NF1: variants seen among roughly 807,000 people sequenced by gnomAD.
The protein encoded by NF1 is neurofibromin 1, also known as neurofibromin.
Under a neutral mutation model 325.7 loss-of-function variants are expected in NF1, and 122 were observed. The observed-to-expected ratio is 0.37, with a 90% CI of 0.32 to 0.44. The LOEUF is 0.44. Ranked by LOEUF, NF1 falls within the 20% of genes least tolerant of loss-of-function variation. The probability of loss-of-function intolerance (pLI) is 1.00; values close to 1 mark genes in which losing one functional copy is unlikely to be tolerated. For missense variants in NF1, 2,140 were observed against 3,415.4 expected (o/e 0.63, Z 9.31); for synonymous variants, 1,091 against 1,186.0 (o/e 0.92, Z 1.65).
intron 57 of NF1, chr17:31,362,248 T>A (rs893175444): frequency 1.7e-5 from 16 of 948,740 alleles, no homozygotes; most frequent in Non-Finnish European, 2.0e-5. Flanking sequence ...ATTTCAGCTG[T>A]GAAGGCCAGG....
chr17:31,280,472 G>A (rs1159301523), intron 36 of NF1, among the ~76,000 whole-genome samples: 2 of 145,606 alleles, frequency 1.4e-5, no homozygotes. Flanking sequence ...AACCGGGATC[G>A]CGCCACTGCA....
At chr17:31,283,140 G>A (rs935813080) in intron 36 of NF1, among the ~76,000 whole-genome samples, 5 of 152,228 alleles carry the variant, frequency 3.3e-5, no homozygotes, top group African/African-American at 7.2e-5. Flanking sequence ...AACTAAGTCC[G>A]GACGCAGTGG....
At chr17:31,276,252 A>T (rs2068008193) in intron 36 of NF1, among the ~76,000 whole-genome samples, 1 of 149,726 alleles carries the variant, frequency 6.7e-6, no homozygotes, top group African/African-American at 2.5e-5. Flanking sequence ...TAAGTATTGG[A>T]ATTCATTGAA....
chr17:31,152,762 C>T lies in NF1; in HGVS notation c.61-3221C>T, dbSNP rs148017013. Among the ~76,000 whole-genome samples, 1,424 of 151,694 alleles carry T rather than the reference C, an allele frequency of 9.4e-3. 21 individuals are homozygous for T. Among genetic ancestry groups the T allele is most frequent in the African/African-American group, 0.032 (1,342 of 41,380 alleles). On this transcript the variant is annotated intron_variant, in intron 1 of 57. Transcript: ENST00000358273. ...TGGCTCACTTTGAAATAATAATTTA[C>T]AGTTTTCATCTGTTGGTGGATATGT... is the stretch of plus-strand genomic sequence containing the variant.
intron 36 of NF1, among the ~76,000 whole-genome samples, chr17:31,267,403 T>G (rs1242786916): frequency 6.6e-6 from 1 of 152,184 alleles, no homozygotes; most frequent in Non-Finnish European, 1.5e-5. Context: ...ATTCTTTTTT[T>G]GGGGGATATG....
At chr17:31,314,236 G>A (rs1433129886) in intron 36 of NF1, 7 of 367,138 alleles carry the variant, frequency 1.9e-5, no homozygotes, top group Non-Finnish European at 3.4e-5. Flanking sequence ...TATGATTTGA[G>A]TGCTTTTAAT....
At chr17:31,257,046 A>G (rs1024409823) in intron 31 of NF1, among the ~76,000 whole-genome samples, 15 of 152,232 alleles carry the variant, frequency 9.9e-5, no homozygotes, top group Admixed American at 9.2e-4. Flanking sequence ...TACATTGAAC[A>G]AGATGAAGTG....
intron 36 of NF1, chr17:31,294,928 A>G (rs1027006161): frequency 1.3e-6 from 2 of 1,573,100 alleles, no homozygotes; most frequent in Non-Finnish European, 1.7e-6. Flanking sequence ...TATAGCTCGA[A>G]TCACTGGTTA....
chr17:31,132,309 A>T lies in NF1; in HGVS notation c.61-23674A>T, dbSNP rs113659953. ...GTAATCCCAGCACTTTGCGAGGCTGAGGTAGATGGATCACTTGAAGTCGAG... is the reference window on the plus strand; with the variant it reads ...GTAATCCCAGCACTTTGCGAGGCTGTGGTAGATGGATCACTTGAAGTCGAG... On this transcript the variant is annotated intron_variant, in intron 1 of 57. Transcript: ENST00000358273. Among the ~76,000 whole-genome samples, 1,147 of 152,256 alleles carry T rather than the reference A, an allele frequency of 7.5e-3. 20 individuals are homozygous for T. Among genetic ancestry groups the T allele is most frequent in the African/African-American group, 0.026 (1,100 of 41,534 alleles).
At chr17:31,134,291 A>G (rs1915603417) in intron 1 of NF1, among the ~76,000 whole-genome samples, 1 of 152,204 alleles carries the variant, frequency 6.6e-6, no homozygotes, top group Admixed American at 6.5e-5. Context: ...TGTATCCTAC[A>G]AGTTTCAATA....
At chr17:31,234,000 C>T (rs1479593708) in intron 27 of NF1, among the ~76,000 whole-genome samples, 32 of 152,236 alleles carry the variant, frequency 2.1e-4, no homozygotes, top group Non-Finnish European at 1.2e-4. Context: ...ACCAGAGCCA[C>T]ACCAGCTACC....
intron 29 of NF1, among the ~76,000 whole-genome samples, chr17:31,239,192 A>G (rs1029462695): frequency 6.6e-6 from 1 of 152,248 alleles, no homozygotes; most frequent in Non-Finnish European, 1.5e-5. Flanking sequence ...GAAAATGGAC[A>G]GTGTGTAAGA....
chr17:31,170,732 A>G (rs1179887114), intron 5 of NF1, among the ~76,000 whole-genome samples: 1 of 152,248 alleles, frequency 6.6e-6, no homozygotes, highest in Non-Finnish European at 1.5e-5. Context: ...ACTGAGTATG[A>G]TCTGAAGGAA....
At chr17:31,294,958 A>C (rs1382198146) in intron 36 of NF1, 2 of 1,612,726 alleles carry the variant, frequency 1.2e-6, no homozygotes, top group Non-Finnish European at 1.7e-6. Flanking sequence ...ATATTTTCCC[A>C]ACTGTACATC....
chr17:31,345,631 A>T lies in NF1; in HGVS notation c.7189+2496A>T, dbSNP rs2069955862. Reference sequence around the variant, plus strand: ...GGTCTCCAGCATCTCTCCAGCGGCCACTTCTTGCGGGAGAACATCAAGGCC... The same window carrying T: ...GGTCTCCAGCATCTCTCCAGCGGCCTCTTCTTGCGGGAGAACATCAAGGCC... On this transcript the variant is annotated intron_variant, in intron 48 of 57. Coordinates refer to ENST00000358273, the MANE Select transcript of NF1 (RefSeq NM_001042492.3). 26 of 1,613,346 alleles carry T rather than the reference A, an allele frequency of 1.6e-5. No homozygotes were observed. The South Asian group carries it at 2.9e-4, about 18-fold the overall frequency.
rs151303520 is a variant in NF1, at chr17:31,187,838, A to G, written c.888+5173A>G. Among the ~76,000 whole-genome samples the G allele has an allele frequency of 1.7e-4, 26 of 152,286 alleles. No individual in the cohort carries two copies. In the East Asian group the frequency reaches 5.0e-3, roughly 29 times the overall value. On this transcript the variant is annotated intron_variant, in intron 8 of 57. Coordinates refer to ENST00000358273, the MANE Select transcript of NF1 (RefSeq NM_001042492.3). Reference sequence around the variant, plus strand: ...CACCAGGAGACACAACAACGATTCCATTAAACTGGAAGTTAAGATTGCCAC... The same window carrying G: ...CACCAGGAGACACAACAACGATTCCGTTAAACTGGAAGTTAAGATTGCCAC...
intron 5 of NF1, among the ~76,000 whole-genome samples, chr17:31,178,064 C>T (rs1197834540): frequency 1.3e-5 from 2 of 151,988 alleles, no homozygotes; most frequent in African/African-American, 4.8e-5. Flanking sequence ...GACATATAAT[C>T]GTCAGATTCA....
chr17:31,303,717 A>G (rs1486176516), intron 36 of NF1: 2 of 152,246 alleles, frequency 1.3e-5, no homozygotes, highest in Admixed American at 1.3e-4. Context: ...CCTTCAGTTG[A>G]TGTTTTAACA....
chr17:31,284,139 T>C (rs181643503), intron 36 of NF1, among the ~76,000 whole-genome samples: 6 of 152,338 alleles, frequency 3.9e-5, no homozygotes, highest in East Asian at 1.9e-4. Context: ...CTCACTCTTA[T>C]TGCCTAGGCT....
Sources: allele counts gnomAD v4.1 joint callset (sites outside exome capture counted in the v4.1 genomes callset), GRCh38; gene constraint gnomAD v4.1.1; transcripts MANE v1.5; gene names NCBI Gene and HGNC (gene_info 2026-07-23, HGNC 2026-07-21).